Variants in RAB31 observed in about 807,000 individuals in gnomAD.
RAB31 encodes RAB31, member RAS oncogene family.
A neutral mutation model predicts 25.6 loss-of-function variants in RAB31; 21 were observed. That is an observed-to-expected ratio of 0.82 (90% CI 0.58 to 1.18). The LOEUF (loss-of-function observed/expected upper bound fraction) is 1.18. Among genes scored for constraint, RAB31 ranks in the 50% most tolerant of loss-of-function variants. The pLI is 0.00. For synonymous variants in RAB31, 87 were observed against 84.0 expected, an observed-to-expected ratio of 1.04 and a Z score of -0.20; for missense variants, 196 against 250.1, an observed-to-expected ratio of 0.78 and a Z score of 1.46.
intron 3 of RAB31, among the ~76,000 whole-genome samples, chr18:9,807,961 G>A (rs1368649271): frequency 1.3e-5 from 2 of 152,212 alleles, no homozygotes; most frequent in Non-Finnish European, 2.9e-5. Flanking sequence ...CTGGACGACA[G>A]AGCGAGACCC....
In RAB31 at chr18:9,766,140, C is replaced by T. The variant is rs2068314774; in HGVS notation, c.40-9138C>T. Among the ~76,000 whole-genome samples, 1 of 152,112 alleles carries T rather than the reference C, an allele frequency of 6.6e-6. No individual in the cohort carries two copies. Among genetic ancestry groups the T allele is most frequent in the African/African-American group, 2.4e-5 (1 of 41,430 alleles). ...CCGTTTGTCTTCTGCTCTGAGTTGA[C>T]CCTGGTTTTGGGGCTGTAGAAAGGG... On this transcript the variant is annotated intron_variant, in intron 1 of 6. Transcript: ENST00000578921. The surrounding 1 kb of genome is among the most constrained non-coding windows in gnomAD (Gnocchi z 4.3).
intron 1 of RAB31, among the ~76,000 whole-genome samples, chr18:9,747,811 AATGC>A (rs1214746788): frequency 2.6e-5 from 4 of 152,230 alleles, no homozygotes; most frequent in Non-Finnish European, 5.9e-5. Flanking sequence ...GGATGTACTA[AATGC>A]CACTGAGTTG....
rs3786422 is a variant in RAB31 at position 9,840,426 on chromosome 18, G to T, written c.381-5156G>T. 1.0e-3 allele frequency among the ~76,000 whole-genome samples: 158 copies of T among 152,236 alleles called. 1 individual carries two copies. In the East Asian group the frequency reaches 0.018, roughly 18 times the overall value. On this transcript the variant is annotated intron_variant, in intron 5 of 6. Transcript: ENST00000578921. The stretch of plus-strand genomic sequence containing the variant: ...CGGGATGCCGTACCCTCCCATAATC[G>T]TAATGACGGGAGGCCTGTGGTGGCA...
chr18:9,758,187 C>T (rs2068269635), intron 1 of RAB31: 1 of 152,240 alleles, frequency 6.6e-6, no homozygotes, highest in Non-Finnish European at 1.5e-5. Flanking sequence ...GGATTTGTTG[C>T]CTCTTTCTTC....
chr18:9,779,937 G>A (rs1599035292), intron 2 of RAB31, among the ~76,000 whole-genome samples: 1 of 152,310 alleles, frequency 6.6e-6, no homozygotes, highest in East Asian at 1.9e-4. Flanking sequence ...CACTGTGGGA[G>A]GCTGAGGCAG....
chr18:9,846,603 G>GGACAA (rs2068763176), intron 6 of RAB31, among the ~76,000 whole-genome samples: 2 of 152,170 alleles, frequency 1.3e-5, no homozygotes, highest in South Asian at 4.1e-4. Flanking sequence ...AAATATCTTA[G>GGACAA]CTCCAGACAA....
chr18:9,755,944 G>A (rs958888621), intron 1 of RAB31, among the ~76,000 whole-genome samples: 7 of 152,338 alleles, frequency 4.6e-5, no homozygotes, highest in South Asian at 2.1e-4. Flanking sequence ...TAAACTAAGA[G>A]TAATATTTTA....
chr18:9,708,384 G>T lies in RAB31; in HGVS notation c.-22G>T. 2 of 1,543,762 alleles carry T rather than the reference G, an allele frequency of 1.3e-6. No homozygotes were observed. The highest frequency in any genetic ancestry group is 2.3e-5 in the South Asian group (2 of 85,132). On this transcript the variant is annotated 5_prime_UTR_variant, in exon 1 of 7. Coordinates refer to ENST00000578921, the MANE Select transcript of RAB31 (RefSeq NM_006868.4). This position sits in a 1 kb window ranked among gnomAD's most constrained non-coding sequence, Gnocchi z 6.4. The stretch of plus-strand genomic sequence containing the variant: ...GCCCCGGAGGATGCTGCTGAGCCCC[G>T]GCACTGCCTGGCTGCGAGCACATGA...
At chr18:9,785,478 A>T (rs907668269) in intron 2 of RAB31, among the ~76,000 whole-genome samples, 3 of 152,208 alleles carry the variant, frequency 2.0e-5, no homozygotes, top group South Asian at 2.1e-4. Flanking sequence ...TTGCATATAT[A>T]TAGGTTTTCA....
Position 9,708,471 on chromosome 18 carries a change from G to T in RAB31, c.39+27G>T. On this transcript the variant is annotated intron_variant, in intron 1 of 6. Coordinates refer to ENST00000578921, the MANE Select transcript of RAB31 (RefSeq NM_006868.4). The surrounding 1 kb of genome is among the most constrained non-coding windows in gnomAD (Gnocchi z 6.4). ...TGAGTCCTGGCCGCCACCCGCCGGC[G>T]GACCCCGGCCCGCGCTCTCGCGCCC... 6.5e-7 allele frequency: 1 copy of T among 1,545,008 alleles called. No individual in the cohort carries two copies. Among genetic ancestry groups the T allele is most frequent in the Non-Finnish European group, 8.7e-7 (1 of 1,146,638 alleles).
intron 3 of RAB31, among the ~76,000 whole-genome samples, chr18:9,804,898 G>A (rs1224079099): frequency 2.0e-5 from 3 of 152,174 alleles, no homozygotes; most frequent in Non-Finnish European, 4.4e-5. Context: ...TCCAGTTGTT[G>A]CTGTAACAGA....
chr18:9,720,362 G>A (rs1447507400), intron 1 of RAB31, among the ~76,000 whole-genome samples: 2 of 152,196 alleles, frequency 1.3e-5, no homozygotes, highest in African/African-American at 4.8e-5. Context: ...CTGCTAGGGC[G>A]TACATGGGAA....
intron 5 of RAB31, among the ~76,000 whole-genome samples, chr18:9,834,137 T>C (rs2068692871): frequency 6.6e-6 from 1 of 152,096 alleles, no homozygotes; most frequent in Non-Finnish European, 1.5e-5. Context: ...TTTTTTGAGA[T>C]GTAGTTTCAC....
intron 2 of RAB31, among the ~76,000 whole-genome samples, chr18:9,779,435 C>T (rs1019892169): frequency 3.9e-5 from 6 of 152,038 alleles, no homozygotes; most frequent in Non-Finnish European, 1.5e-5. Context: ...AAAATGAAAA[C>T]GTATCACACT....
intron 5 of RAB31, among the ~76,000 whole-genome samples, chr18:9,845,040 T>C (rs1375546860): frequency 6.6e-6 from 1 of 152,120 alleles, no homozygotes; most frequent in Non-Finnish European, 1.5e-5. Flanking sequence ...CCTAAAACCT[T>C]TGCGAGAACA....
At chr18:9,797,882 T>C (rs957900103) in intron 3 of RAB31, among the ~76,000 whole-genome samples, 12 of 152,214 alleles carry the variant, frequency 7.9e-5, no homozygotes, top group Admixed American at 6.5e-4. Flanking sequence ...CAAGGAATAG[T>C]CTTTTGATGA....
chr18:9,749,202 T>C (rs984811656), intron 1 of RAB31, among the ~76,000 whole-genome samples: 1 of 152,248 alleles, frequency 6.6e-6, no homozygotes, highest in Non-Finnish European at 1.5e-5. Flanking sequence ...GGCTGCATCA[T>C]CACGATAATA....
Position 9,861,889 on chromosome 18 carries a change from A to T in RAB31, c.*2564A>T, listed in dbSNP as rs1181463645. Reference sequence around the variant, plus strand: ...TAATATAAAGTAGGCATGGCTTCCCAATGGAAATCTCTGAGAATGACAGTG... The same window carrying T: ...TAATATAAAGTAGGCATGGCTTCCCTATGGAAATCTCTGAGAATGACAGTG... On this transcript the variant is annotated 3_prime_UTR_variant, in exon 7 of 7. Coordinates refer to ENST00000578921, the MANE Select transcript of RAB31 (RefSeq NM_006868.4). 1 of 152,612 alleles carries T rather than the reference A, an allele frequency of 6.6e-6. No homozygotes were observed. Among genetic ancestry groups the T allele is most frequent in the Admixed American group, 6.5e-5 (1 of 15,276 alleles). The allele number at this position is 152,612 out of a possible 1,614,324, so 9.5% of individuals were successfully genotyped here.
intron 2 of RAB31, among the ~76,000 whole-genome samples, chr18:9,777,064 G>A (rs567604085): frequency 3.3e-5 from 5 of 152,246 alleles, no homozygotes; most frequent in Admixed American, 1.3e-4. Context: ...TATATCCACC[G>A]GAAGCGGTGG....
Sources: allele counts gnomAD v4.1 joint callset (sites outside exome capture counted in the v4.1 genomes callset), GRCh38; gene constraint gnomAD v4.1.1; non-coding constraint Gnocchi (gnomAD v3.1); transcripts MANE v1.5; gene names NCBI Gene and HGNC (gene_info 2026-07-23, HGNC 2026-07-21).